BCHE: variants seen among roughly 807,000 people sequenced by gnomAD.
BCHE encodes the protein cholinesterase.
Under a neutral mutation model 51.3 loss-of-function variants are expected in BCHE, and 48 were observed. The ratio of observed to expected loss-of-function variants is 0.94; its 90% CI spans 0.74 to 1.19. The LOEUF (loss-of-function observed/expected upper bound fraction) is 1.19. Ranked by LOEUF, BCHE falls within the 50% of genes most tolerant of loss-of-function variation. BCHE has a pLI of 0.00. For synonymous variants in BCHE, 251 were observed against 238.0 expected (o/e 1.05, Z -0.50); for missense variants, 847 against 708.2 (o/e 1.20, Z -2.23).
chr3:165,829,701 A>G lies in BCHE; in HGVS notation c.1333T>C (p.Phe445Leu), dbSNP rs752486524. 2.5e-6 allele frequency: 4 copies of G among 1,613,756 alleles called. No homozygotes were observed. The highest frequency in any genetic ancestry group is 1.3e-5 in the African/African-American group (1 of 74,874). Residue 445 changes from phenylalanine to leucine, a missense_variant, in exon 2 of 4, where the codon TTT (phenylalanine) becomes CTT (leucine). Coordinates refer to ENST00000264381, the MANE Select transcript of BCHE (RefSeq NM_000055.4). ...KKFSEWGNNAFFYYFEHRSSK... is the reference protein window; with the variant it reads ...KKFSEWGNNALFYYFEHRSSK... ...GATCGGTGTTCAAAATAGTAGAAAA[A>G]GGCATTATTTCCCCATTCTGAGAAC...
chr3:165,817,759 A>G (rs566302515), intron 2 of BCHE, among the ~76,000 whole-genome samples: 12 of 152,076 alleles, frequency 7.9e-5, no homozygotes, highest in Non-Finnish European at 1.8e-4. Context: ...TCACCATGAT[A>G]ACACACAAAT....
intron 3 of BCHE, among the ~76,000 whole-genome samples, chr3:165,782,861 A>AT (rs553629570): frequency 8.7e-5 from 13 of 150,020 alleles, no homozygotes; most frequent in East Asian, 2.0e-4. Flanking sequence ...TTCCCTCAGG[A>AT]TTTTTTTTTT....
intron 1 of BCHE, among the ~76,000 whole-genome samples, chr3:165,833,785 AT>A (rs5854163): frequency 0.72 from 109,809 of 151,740 alleles, 41,431 homozygotes; most frequent in Admixed American, 0.82. Context: ...TGCTAGTATG[AT>A]TTTTTTTATT....
At chr3:165,813,102 TATC>T (rs1714168948) in intron 2 of BCHE, among the ~76,000 whole-genome samples, 1 of 151,800 alleles carries the variant, frequency 6.6e-6, no homozygotes, top group Non-Finnish European at 1.5e-5. Flanking sequence ...CCAGAAAAAA[TATC>T]ATAAAATTAG....
intron 2 of BCHE, among the ~76,000 whole-genome samples, chr3:165,814,815 G>A (rs954975246): frequency 6.6e-6 from 1 of 151,846 alleles, no homozygotes; most frequent in African/African-American, 2.4e-5. Context: ...CCAGTTAAAT[G>A]TGAATTCCAA....
intron 3 of BCHE, among the ~76,000 whole-genome samples, chr3:165,779,686 A>G (rs1248125096): frequency 6.6e-5 from 10 of 152,158 alleles, no homozygotes; most frequent in Admixed American, 6.5e-4. Flanking sequence ...AGAATAAACT[A>G]TGTAGGAACA....
intron 2 of BCHE, among the ~76,000 whole-genome samples, chr3:165,790,226 A>G (rs746637653): frequency 2.0e-5 from 3 of 152,162 alleles, no homozygotes; most frequent in Non-Finnish European, 2.9e-5. Flanking sequence ...ATTGATTTTA[A>G]CCATGCGAAC....
chr3:165,833,029 T>A (rs1715047433), intron 1 of BCHE, among the ~76,000 whole-genome samples: 1 of 152,088 alleles, frequency 6.6e-6, no homozygotes, highest in Non-Finnish European at 1.5e-5. Context: ...TATATCTAAT[T>A]CTAACAATAT....
At chr3:165,781,945 A>G (rs1034971476) in intron 3 of BCHE, among the ~76,000 whole-genome samples, 1 of 152,166 alleles carries the variant, frequency 6.6e-6, no homozygotes, top group African/African-American at 2.4e-5. Flanking sequence ...GTATGATACA[A>G]TATGCATAAG....
chr3:165,785,779 T>A (rs891315430), intron 3 of BCHE, among the ~76,000 whole-genome samples: 2 of 151,732 alleles, frequency 1.3e-5, no homozygotes, highest in Non-Finnish European at 3.0e-5. Context: ...ATTTTTTAGT[T>A]CCATACATTA....
At chr3:165,837,216 G>C in intron 1 of BCHE, 98 bp downstream of exon 1, 2 of 760,404 alleles carry the variant, frequency 2.6e-6, no homozygotes, top group South Asian at 3.2e-5. Flanking sequence ...GCACCAAAGG[G>C]ACACAACAAA....
chr3:165,821,336 C>G (rs1403407020), intron 2 of BCHE, among the ~76,000 whole-genome samples: 1 of 151,356 alleles, frequency 6.6e-6, no homozygotes, highest in Non-Finnish European at 1.5e-5. Flanking sequence ...AATTCCTATA[C>G]AGACATTTAG....
intron 2 of BCHE, among the ~76,000 whole-genome samples, chr3:165,817,380 A>G (rs1238567591): frequency 1.3e-5 from 2 of 152,046 alleles, no homozygotes; most frequent in African/African-American, 4.8e-5. Context: ...AAAATATGCT[A>G]CTCAAATTCC....
chr3:165,813,323 A>T (rs556648507), intron 2 of BCHE, among the ~76,000 whole-genome samples: 1 of 151,600 alleles, frequency 6.6e-6, no homozygotes, highest in Admixed American at 6.6e-5. Flanking sequence ...ATAATCATAT[A>T]TTTTATACTC....
chr3:165,786,391 C>T, intron 2 of BCHE, 80 bp from the exon 3 acceptor site: 1 of 1,313,096 alleles, frequency 7.6e-7, no homozygotes, highest in African/African-American at 1.5e-5. Context: ...TAACACTGTT[C>T]ACAAGAGCTT....
At chr3:165,804,313 G>C (rs1396562919) in intron 2 of BCHE, among the ~76,000 whole-genome samples, 2 of 152,104 alleles carry the variant, frequency 1.3e-5, no homozygotes, top group African/African-American at 4.8e-5. Context: ...TTGCTGTCAA[G>C]AAGAGTATGA....
At chr3:165,796,335 T>C (rs1220658236) in intron 2 of BCHE, among the ~76,000 whole-genome samples, 1 of 152,004 alleles carries the variant, frequency 6.6e-6, no homozygotes, top group African/African-American at 2.4e-5. Flanking sequence ...GAAGGGGAAA[T>C]AAAAACACAC....
At chr3:165,786,387 T>C in intron 2 of BCHE, 76 bp from the exon 3 acceptor site, 2 of 1,339,186 alleles carry the variant, frequency 1.5e-6, no homozygotes, top group Non-Finnish European at 2.1e-6. Context: ...TTTCTAACAC[T>C]GTTCACAAGA....
chr3:165,803,412 C>T (rs904017728), intron 2 of BCHE, among the ~76,000 whole-genome samples: 2 of 152,028 alleles, frequency 1.3e-5, no homozygotes, highest in South Asian at 2.1e-4. Context: ...AGTACAGACA[C>T]TAAGAAATTT....
Sources: allele counts gnomAD v4.1 joint callset (sites outside exome capture counted in the v4.1 genomes callset), GRCh38; gene constraint gnomAD v4.1.1; transcripts MANE v1.5; gene names NCBI Gene and HGNC (gene_info 2026-07-23, HGNC 2026-07-21).